The following KIAA2012 variants were observed in gnomAD, a reference collection of about 807,000 sequenced individuals.
KIAA2012 encodes the protein uncharacterized protein KIAA2012.
In KIAA2012, 125 loss-of-function variants were observed where a neutral mutation model predicts 150.6. That is an observed-to-expected ratio of 0.83 (90% confidence interval 0.72 to 0.96). The LOEUF (loss-of-function observed/expected upper bound fraction) is 0.96. Ranked by LOEUF, KIAA2012 falls within the 40% of genes least tolerant of loss-of-function variation. KIAA2012 has a pLI of 0.00. For synonymous variants in KIAA2012, 462 were observed against 504.7 expected, an observed-to-expected ratio of 0.92 and a Z score of 1.13; for missense variants, 1,219 against 1,354.9, an observed-to-expected ratio of 0.90 and a Z score of 1.57.
intron 14 of KIAA2012, among the ~76,000 whole-genome samples, chr2:202,155,898 G>A (rs561467678): frequency 6.6e-6 from 1 of 152,250 alleles, no homozygotes; most frequent in East Asian, 1.9e-4. Context: ...GTGGCAAGTT[G>A]GCCACCAGCT....
At position 202,074,753 on chromosome 2, in the gene KIAA2012, A is replaced by G. The variant is rs1689284202; in HGVS notation, c.85-138A>G. ...GAAAAGGCAGTTGCTAAGAAGAGCAATTGTGTTCCATAACACCATGTGAAC... is the reference window on the plus strand; with the variant it reads ...GAAAAGGCAGTTGCTAAGAAGAGCAGTTGTGTTCCATAACACCATGTGAAC... On this transcript the variant is annotated intron_variant, in intron 1 of 23. Coordinates refer to ENST00000498697, the MANE Select transcript of KIAA2012 (RefSeq NM_001277372.4). 1.3e-5 allele frequency: 11 copies of G among 856,114 alleles called. No individual in the cohort carries two copies. The South Asian group carries it at 1.9e-4, about 15-fold the overall frequency. 53.0% of individuals were successfully genotyped at this position (856,114 alleles called of 1,614,324 possible).
intron 2 of KIAA2012, among the ~76,000 whole-genome samples, chr2:202,085,851 T>G (rs1689554672): frequency 6.6e-6 from 1 of 152,040 alleles, no homozygotes; most frequent in African/African-American, 2.4e-5. Context: ...CAGTAAAGCT[T>G]CAGAACCAAG....
At chr2:202,132,268 T>C (rs560196480) in intron 12 of KIAA2012, among the ~76,000 whole-genome samples, 1 of 152,304 alleles carries the variant, frequency 6.6e-6, no homozygotes, top group African/African-American at 2.4e-5. Flanking sequence ...CAGATTTTTA[T>C]TTTATAGAAA....
intron 4 of KIAA2012, among the ~76,000 whole-genome samples, chr2:202,094,140 G>A (rs1689803420): frequency 6.6e-6 from 1 of 152,130 alleles, no homozygotes. Flanking sequence ...AATTTTAGCT[G>A]GGCGTGGTGG....
At chr2:202,095,955 A>G (rs759985506) in intron 4 of KIAA2012, among the ~76,000 whole-genome samples, 10 of 152,104 alleles carry the variant, frequency 6.6e-5, no homozygotes, top group South Asian at 4.1e-4. Flanking sequence ...ATGGTGGTGC[A>G]TGCCTATAAT....
intron 12 of KIAA2012, among the ~76,000 whole-genome samples, chr2:202,127,956 C>T (rs1027540061): frequency 2.6e-5 from 4 of 151,866 alleles, no homozygotes; most frequent in African/African-American, 9.7e-5. Context: ...CATTAAACAA[C>T]TCCCCCTCCT....
chr2:202,185,840 A>T (rs1345591317), intron 16 of KIAA2012, among the ~76,000 whole-genome samples: 1 of 152,134 alleles, frequency 6.6e-6, no homozygotes, highest in African/African-American at 2.4e-5. Flanking sequence ...TCTAAAGGAG[A>T]CTTCTCGTAT....
intron 15 of KIAA2012, among the ~76,000 whole-genome samples, 197 bp from the exon 16 acceptor site, chr2:202,184,556 T>C (rs1027428268): frequency 2.0e-5 from 3 of 152,220 alleles, no homozygotes; most frequent in Admixed American, 1.3e-4. Context: ...AAGGATATTT[T>C]AATACTAATT....
chr2:202,123,535 C>T (rs59780214), intron 11 of KIAA2012, among the ~76,000 whole-genome samples: 5,449 of 152,220 alleles, frequency 0.036, 322 homozygotes, highest in African/African-American at 0.12. Flanking sequence ...GCTATCGGTG[C>T]GCACGTGACC....
chr2:202,170,183 A>C (rs1178503113), intron 15 of KIAA2012, among the ~76,000 whole-genome samples: 2 of 152,234 alleles, frequency 1.3e-5, no homozygotes, highest in Non-Finnish European at 2.9e-5. Flanking sequence ...GGCTCAGTGC[A>C]GCAACAAGTG....
intron 2 of KIAA2012, among the ~76,000 whole-genome samples, chr2:202,087,165 C>A (rs1445378798): frequency 6.6e-6 from 1 of 152,122 alleles, no homozygotes; most frequent in Non-Finnish European, 1.5e-5. Context: ...GTGGTGGCAA[C>A]AGAGACCATA....
rs560840938 is a variant in KIAA2012, at chr2:202,121,820, GC to G, written c.1763-3393del. 5.0e-3 allele frequency among the ~76,000 whole-genome samples: 759 copies of G among 152,290 alleles called. 10 individuals are homozygous for G. The highest frequency in any genetic ancestry group is 9.0e-3 in the Admixed American group (137 of 15,302). On this transcript the variant is annotated intron_variant, in intron 11 of 23. Coordinates refer to ENST00000498697, the MANE Select transcript of KIAA2012 (RefSeq NM_001277372.4). ...CACAAGCCAGTAACTGTACCACAAG[GC>G]AGAATGAAATGAGTGCCATCACAGA...
intron 10 of KIAA2012, among the ~76,000 whole-genome samples, chr2:202,110,715 T>C (rs1271733495): frequency 6.6e-6 from 1 of 152,156 alleles, no homozygotes; most frequent in Non-Finnish European, 1.5e-5. Flanking sequence ...TTTCACATCT[T>C]TCATTTCATG....
intron 12 of KIAA2012, among the ~76,000 whole-genome samples, chr2:202,131,526 T>C (rs1352512223): frequency 1.3e-5 from 2 of 152,244 alleles, no homozygotes; most frequent in Non-Finnish European, 2.9e-5. Context: ...TGACAAATAC[T>C]ATGGTAGGCA....
At chr2:202,196,314 C>G (rs946479517) in intron 21 of KIAA2012, among the ~76,000 whole-genome samples, 3 of 151,234 alleles carry the variant, frequency 2.0e-5, no homozygotes, top group African/African-American at 2.4e-5. Flanking sequence ...CCTGCCTCAG[C>G]CTCCCGAGTA....
intron 13 of KIAA2012, among the ~76,000 whole-genome samples, chr2:202,138,892 A>G (rs1691139482): frequency 6.6e-6 from 1 of 152,188 alleles, no homozygotes; most frequent in Non-Finnish European, 1.5e-5. Context: ...ACAAAGTGCA[A>G]AGGTAATCAT....
At chr2:202,145,787 C>T (rs1039589054) in intron 13 of KIAA2012, among the ~76,000 whole-genome samples, 25 of 147,948 alleles carry the variant, frequency 1.7e-4, no homozygotes, top group African/African-American at 6.0e-4. Flanking sequence ...AGGATTCAAG[C>T]GATTCTCCTG....
chr2:202,146,588 C>T (rs369259128), intron 13 of KIAA2012, among the ~76,000 whole-genome samples: 12 of 144,136 alleles, frequency 8.3e-5, no homozygotes, highest in East Asian at 2.1e-4. Flanking sequence ...GCTGAGATTG[C>T]GCCACTGCAC....
chr2:202,090,719 G>T, intron 2 of KIAA2012, 51 bp from the exon 3 acceptor site: 1 of 1,494,798 alleles, frequency 6.7e-7, no homozygotes, highest in South Asian at 1.3e-5. Context: ...TGTATCACTG[G>T]GTGGCTCAGG....
Sources: allele counts gnomAD v4.1 joint callset (sites outside exome capture counted in the v4.1 genomes callset), GRCh38; gene constraint gnomAD v4.1.1; transcripts MANE v1.5; gene names NCBI Gene and HGNC (gene_info 2026-07-23, HGNC 2026-07-21).